CCM2: variants seen among roughly 807,000 people sequenced by gnomAD.
The protein encoded by CCM2 is CCM2 scaffold protein.
Under a neutral mutation model 44.9 loss-of-function variants are expected in CCM2, and 25 were observed. That is an observed-to-expected ratio of 0.56 (90% CI 0.41 to 0.78). CCM2 has a LOEUF of 0.78. Among genes scored for constraint, CCM2 ranks in the 30% least tolerant of loss-of-function variants. The probability of loss-of-function intolerance (pLI) is 0.00; values close to 1 mark genes in which losing one functional copy is unlikely to be tolerated. For synonymous variants in CCM2, 219 were observed against 241.1 expected (o/e 0.91, Z 0.85); for missense variants, 481 against 580.6 (o/e 0.83, Z 1.76).
chr7:45,014,382 GCCCA>G (rs1039096343), intron 1 of CCM2, among the ~76,000 whole-genome samples: 10 of 151,916 alleles, frequency 6.6e-5, no homozygotes, highest in Non-Finnish European at 1.5e-5. Context: ...CTCGTGATCC[GCCCA>G]CCTCGGCCTC....
In CCM2 at chr7:45,064,467, C is replaced by T. The variant is rs747778407; in HGVS notation, c.293C>T (p.Ala98Val). Reference sequence around the variant, plus strand: ...ATGCCCTGTGGTTCCTTCCAGAGAGCCCACCAGCTTCCGGGACACTTGACT... The same window carrying T: ...ATGCCCTGTGGTTCCTTCCAGAGAGTCCACCAGCTTCCGGGACACTTGACT... ...ILHFIDNAKR[A>V]HQLPGHLTQE... The change falls in exon 4 of 10, where the codon GCC becomes GTC. Residue 98 changes from alanine to valine, a missense_variant. Coordinates refer to ENST00000258781, the MANE Select transcript of CCM2 (RefSeq NM_031443.4). 6 of 1,612,960 alleles carry T rather than the reference C, an allele frequency of 3.7e-6. No individual in the cohort carries two copies. The East Asian group carries it at 1.1e-4, about 30-fold the overall frequency.
chr7:45,074,269 G>C lies in CCM2; in HGVS notation c.916-1G>C. 1 of 1,613,546 alleles carries C rather than the reference G, an allele frequency of 6.2e-7. No individual in the cohort carries two copies. ...CCCTATCTGGCTCTGCTCTCTTGCAGCTGCGCACCAAGCTGTCATCACAGG... is the reference window on the plus strand; with the variant it reads ...CCCTATCTGGCTCTGCTCTCTTGCACCTGCGCACCAAGCTGTCATCACAGG... On this transcript the variant is annotated splice_acceptor_variant, in intron 8 of 9. Coordinates refer to ENST00000258781, the MANE Select transcript of CCM2 (RefSeq NM_031443.4). LOFTEE classifies it high-confidence loss of function.
chr7:45,025,401 A>T (rs189225072), intron 1 of CCM2, among the ~76,000 whole-genome samples: 155 of 152,212 alleles, frequency 1.0e-3, no homozygotes, highest in African/African-American at 3.4e-3. Flanking sequence ...GCATTGGCCA[A>T]CCCCGCAGTT....
chr7:45,075,713 G>T, intron 9 of CCM2, 64 bp from the exon 10 acceptor site: 2 of 1,607,344 alleles, frequency 1.2e-6, no homozygotes, highest in South Asian at 1.1e-5. Flanking sequence ...TTTGAGCCCT[G>T]AGAGAAGAGC....
chr7:45,074,270 C>T lies in CCM2; in HGVS notation c.916C>T (p.Leu306=). The part of the protein sequence containing the change: ...TELLQDYMLT[L]RTKLSSQEIQ... ...CCTATCTGGCTCTGCTCTCTTGCAGCTGCGCACCAAGCTGTCATCACAGGA... is the reference window on the plus strand; with the variant it reads ...CCTATCTGGCTCTGCTCTCTTGCAGTTGCGCACCAAGCTGTCATCACAGGA... The change falls in exon 9 of 10, where the codon CTG becomes TTG. Residue 306 remains leucine (L), a splice_region_variant and synonymous_variant. Coordinates refer to ENST00000258781, the MANE Select transcript of CCM2 (RefSeq NM_031443.4). 6.2e-7 allele frequency: 1 copy of T among 1,613,562 alleles called. No homozygotes were observed. The highest frequency in any genetic ancestry group is 8.5e-7 in the Non-Finnish European group (1 of 1,180,026).
intron 1 of CCM2, among the ~76,000 whole-genome samples, chr7:45,033,105 G>A (rs1050980692): frequency 9.5e-5 from 14 of 147,290 alleles, no homozygotes; most frequent in Admixed American, 5.4e-4. Context: ...AGCTGAGCTC[G>A]ATGTAGGGAA....
At chr7:45,060,151 C>T (rs1798455265) in intron 2 of CCM2, among the ~76,000 whole-genome samples, 1 of 152,102 alleles carries the variant, frequency 6.6e-6, no homozygotes, top group Non-Finnish European at 1.5e-5. Context: ...TGTTAAATCC[C>T]TGAGTTTTTG....
intron 2 of CCM2, among the ~76,000 whole-genome samples, chr7:45,060,953 T>G (rs1278550844): frequency 6.6e-6 from 1 of 152,234 alleles, no homozygotes; most frequent in Non-Finnish European, 1.5e-5. Flanking sequence ...ATGAGGAACT[T>G]AGGCGTCAGG....
At chr7:45,030,904 A>G (rs1796934375) in intron 1 of CCM2, among the ~76,000 whole-genome samples, 1 of 151,590 alleles carries the variant, frequency 6.6e-6, no homozygotes, top group South Asian at 2.1e-4. Context: ...TTGTATTTTT[A>G]GTAGAGACGG....
At chr7:45,059,433 G>A (rs112763690) in intron 2 of CCM2, among the ~76,000 whole-genome samples, 7 of 111,804 alleles carry the variant, frequency 6.3e-5, no homozygotes, top group Admixed American at 1.9e-4. Context: ...AAAAAAAAAA[G>A]AAAGAAAGAA....
chr7:45,064,415 C>T (rs368101528), intron 3 of CCM2, 48 bp from the exon 4 acceptor site: 54 of 1,588,500 alleles, frequency 3.4e-5, no homozygotes, highest in East Asian at 1.8e-4. Flanking sequence ...CGCCCCATGC[C>T]GGTTGACAGC....
intron 4 of CCM2, among the ~76,000 whole-genome samples, chr7:45,065,599 C>G (rs1358993427): frequency 6.6e-6 from 1 of 152,222 alleles, no homozygotes; most frequent in African/African-American, 2.4e-5. Context: ...CATGAAGCTG[C>G]CAGCTTGAGT....
intron 1 of CCM2, among the ~76,000 whole-genome samples, chr7:45,025,534 C>CTTT (rs5883920): frequency 2.6e-5 from 3 of 113,268 alleles, no homozygotes; most frequent in Admixed American, 8.7e-5. Context: ...CTCTCTTTTT[C>CTTT]TTTTTTTTTT....
At chr7:45,074,658 C>A (rs2128752938) in intron 9 of CCM2, among the ~76,000 whole-genome samples, 1 of 152,266 alleles carries the variant, frequency 6.6e-6, no homozygotes, top group East Asian at 1.9e-4. Flanking sequence ...GGAACTCAAG[C>A]TGAGCTGGGT....
intron 1 of CCM2, among the ~76,000 whole-genome samples, chr7:45,000,597 C>T (rs927474055): frequency 2.0e-5 from 3 of 152,082 alleles, no homozygotes; most frequent in Admixed American, 2.0e-4. Flanking sequence ...GCCCCGACCT[C>T]GGCCCCAGAC....
intron 4 of CCM2, among the ~76,000 whole-genome samples, chr7:45,064,972 G>A (rs549345849): frequency 1.3e-5 from 2 of 152,284 alleles, no homozygotes; most frequent in African/African-American, 2.4e-5. Context: ...CCCAGGTGTG[G>A]TGGAGCCTAG....
chr7:45,046,370 A>G (rs1286548645), intron 2 of CCM2, among the ~76,000 whole-genome samples: 20 of 152,250 alleles, frequency 1.3e-4, no homozygotes, highest in African/African-American at 4.6e-4. Flanking sequence ...TGCTATCACA[A>G]TCAAGACTGT....
At chr7:45,023,381 C>T (rs1796557971) in intron 1 of CCM2, among the ~76,000 whole-genome samples, 1 of 152,156 alleles carries the variant, frequency 6.6e-6, no homozygotes, top group Non-Finnish European at 1.5e-5. Context: ...GAAGCCCCAT[C>T]TCTACTAAAA....
chr7:45,006,362 A>G (rs896881347), intron 1 of CCM2, among the ~76,000 whole-genome samples: 4 of 149,064 alleles, frequency 2.7e-5, no homozygotes, highest in African/African-American at 7.4e-5. Flanking sequence ...TTTATTTTAG[A>G]CGGAGTCTTG....
Sources: allele counts gnomAD v4.1 joint callset (sites outside exome capture counted in the v4.1 genomes callset), GRCh38; gene constraint gnomAD v4.1.1; transcripts MANE v1.5; gene names NCBI Gene and HGNC (gene_info 2026-07-23, HGNC 2026-07-21).